Variants in AUTS2 observed in about 807,000 individuals in gnomAD.
AUTS2 encodes activator of transcription and developmental regulator AUTS2.
AUTS2 carries 17 observed loss-of-function variants against 112.4 expected under a neutral mutation model. The observed-to-expected ratio is 0.15, with a 90% CI of 0.10 to 0.23. AUTS2 has a LOEUF of 0.23. AUTS2 is among the 10% of genes least tolerant of loss of function. AUTS2 has a pLI of 1.00. For synonymous variants in AUTS2, 751 were observed against 702.7 expected (o/e 1.07, Z -1.09); for missense variants, 1,510 against 1,701.6 (o/e 0.89, Z 1.98).
chr7:69,980,003 T>A (rs1283769240), intron 2 of AUTS2, among the ~76,000 whole-genome samples: 1 of 152,230 alleles, frequency 6.6e-6, no homozygotes, highest in Non-Finnish European at 1.5e-5. Flanking sequence ...GAAGTTTTTG[T>A]TGTGCACACA....
chr7:70,466,903 G>A (rs1797186880), intron 5 of AUTS2, among the ~76,000 whole-genome samples: 1 of 152,182 alleles, frequency 6.6e-6, no homozygotes, highest in African/African-American at 2.4e-5. Context: ...AAGATCAGCA[G>A]TGAGGAGAGA....
At chr7:70,070,248 T>G (rs1361330150) in intron 2 of AUTS2, among the ~76,000 whole-genome samples, 1 of 152,052 alleles carries the variant, frequency 6.6e-6, no homozygotes, top group Non-Finnish European at 1.5e-5. Context: ...AGATGTGTTC[T>G]GAGGATATAT....
chr7:70,009,891 T>A (rs1275581549), intron 2 of AUTS2, among the ~76,000 whole-genome samples: 1 of 152,222 alleles, frequency 6.6e-6, no homozygotes, highest in Non-Finnish European at 1.5e-5. Context: ...TTTCTTTTTT[T>A]AAAGAATTTG....
intron 1 of AUTS2, among the ~76,000 whole-genome samples, chr7:69,788,309 C>G (rs1267446768): frequency 1.3e-5 from 2 of 152,110 alleles, no homozygotes; most frequent in Non-Finnish European, 2.9e-5. Flanking sequence ...GACATTGCCC[C>G]CAGCTTGCAG....
intron 1 of AUTS2, among the ~76,000 whole-genome samples, chr7:69,737,709 C>A (rs1787093675): frequency 6.6e-6 from 1 of 152,130 alleles, no homozygotes; most frequent in Admixed American, 6.6e-5. Flanking sequence ...ATTTTCTTCA[C>A]CCTCTTGTTT....
At chr7:70,299,101 C>T (rs557467009) in intron 4 of AUTS2, among the ~76,000 whole-genome samples, 6 of 152,274 alleles carry the variant, frequency 3.9e-5, no homozygotes, top group East Asian at 1.9e-4. Context: ...AAAGTCATTT[C>T]GTGTTCTATA....
chr7:69,915,918 C>T (rs949874250), intron 2 of AUTS2, among the ~76,000 whole-genome samples: 2 of 152,100 alleles, frequency 1.3e-5, no homozygotes, highest in Admixed American at 6.6e-5. Flanking sequence ...GGGGTTTTGC[C>T]GTGGTGCCCA....
intron 1 of AUTS2, among the ~76,000 whole-genome samples, chr7:69,866,960 A>G (rs1793263377): frequency 6.6e-6 from 1 of 152,238 alleles, no homozygotes; most frequent in Non-Finnish European, 1.5e-5. Context: ...CAGCCTGGAA[A>G]AAGGACCCAT....
At chr7:69,627,611 G>A (rs1794019444) in intron 1 of AUTS2, among the ~76,000 whole-genome samples, 1 of 152,182 alleles carries the variant, frequency 6.6e-6, no homozygotes, top group Admixed American at 6.5e-5. Context: ...CTTTGGGGAG[G>A]AGTGGTTATG....
chr7:70,364,311 C>A (rs994662412), intron 4 of AUTS2, among the ~76,000 whole-genome samples: 3 of 151,898 alleles, frequency 2.0e-5, no homozygotes, highest in Non-Finnish European at 4.4e-5. Flanking sequence ...CGCCTGTAAT[C>A]CCAGCACTTT....
intron 4 of AUTS2, among the ~76,000 whole-genome samples, chr7:70,393,817 T>G: frequency 6.6e-6 from 1 of 152,206 alleles, no homozygotes; most frequent in East Asian, 1.9e-4. Context: ...AATTTGTCTC[T>G]TTTCTTCTTC....
intron 2 of AUTS2, among the ~76,000 whole-genome samples, chr7:69,901,667 C>T (rs927389921): frequency 7.9e-5 from 12 of 152,002 alleles, no homozygotes; most frequent in African/African-American, 2.7e-4. Flanking sequence ...ATCTTTGGCC[C>T]TATGTAAAAC....
chr7:69,806,448 A>G (rs970852916), intron 1 of AUTS2, among the ~76,000 whole-genome samples: 6 of 151,796 alleles, frequency 4.0e-5, no homozygotes, highest in African/African-American at 1.5e-4. Flanking sequence ...CTGATGAGCT[A>G]CACTCTGTTT....
chr7:70,244,981 G>A (rs1404408058), intron 4 of AUTS2, among the ~76,000 whole-genome samples: 1 of 151,500 alleles, frequency 6.6e-6, no homozygotes, highest in Non-Finnish European at 1.5e-5. Context: ...TTAGCTGGGT[G>A]TGGTGGCGCA....
intron 2 of AUTS2, among the ~76,000 whole-genome samples, chr7:69,938,616 G>A (rs187034889): frequency 3.6e-4 from 55 of 152,324 alleles, no homozygotes; most frequent in Admixed American, 6.5e-4. Context: ...CTGGTACATA[G>A]AGGGTCGGTG....
intron 5 of AUTS2, among the ~76,000 whole-genome samples, chr7:70,477,329 G>A (rs1365193205): frequency 6.6e-6 from 1 of 152,060 alleles, no homozygotes. Flanking sequence ...TTTGAAAAAA[G>A]GCAGGCCTGC....
At chr7:70,778,113 T>C (rs187980135) in intron 14 of AUTS2, among the ~76,000 whole-genome samples, 47 of 152,320 alleles carry the variant, frequency 3.1e-4, no homozygotes, top group Admixed American at 2.6e-3. Context: ...GATGAACATA[T>C]TCCATGTTCT....
At chr7:70,614,015 C>T (rs1414058391) in intron 5 of AUTS2, among the ~76,000 whole-genome samples, 3 of 152,152 alleles carry the variant, frequency 2.0e-5, no homozygotes, top group Non-Finnish European at 4.4e-5. Flanking sequence ...TAGTGGGTGG[C>T]GGCTAAACAG....
chr7:70,369,526 G>A (rs946636726), intron 4 of AUTS2, among the ~76,000 whole-genome samples: 2 of 152,114 alleles, frequency 1.3e-5, no homozygotes, highest in African/African-American at 4.8e-5. Flanking sequence ...CCAGAGTGAT[G>A]GTATCATTCA....
Sources: allele counts gnomAD v4.1 joint callset (sites outside exome capture counted in the v4.1 genomes callset), GRCh38; gene constraint gnomAD v4.1.1; transcripts MANE v1.5; gene names NCBI Gene and HGNC (gene_info 2026-07-23, HGNC 2026-07-21).